FCHSD2: variants seen among roughly 807,000 people sequenced by gnomAD.
FCHSD2 encodes the protein F-BAR and double SH3 domains protein 2.
Under a neutral mutation model 108.1 loss-of-function variants are expected in FCHSD2, and 38 were observed. The observed-to-expected ratio is 0.35, with a 90% CI of 0.27 to 0.46. The LOEUF is 0.46. FCHSD2 is among the 20% of genes least tolerant of loss of function. The pLI, the probability that FCHSD2 is intolerant of heterozygous loss-of-function variation, is 1.00. For synonymous variants in FCHSD2, 279 were observed against 314.7 expected, an observed-to-expected ratio of 0.89 and a Z score of 1.20; for missense variants, 751 against 897.8, an observed-to-expected ratio of 0.84 and a Z score of 2.09.
intron 10 of FCHSD2, among the ~76,000 whole-genome samples, chr11:72,899,702 C>T (rs57018545): frequency 3.1e-5 from 4 of 128,134 alleles, no homozygotes; most frequent in African/African-American, 1.2e-4. Flanking sequence ...TGCCATTGCA[C>T]TTCAGTCTGG....
intron 2 of FCHSD2, among the ~76,000 whole-genome samples, chr11:73,095,530 G>A (rs1860053834): frequency 6.6e-6 from 1 of 152,094 alleles, no homozygotes. Context: ...CTGGAAATAT[G>A]ATCTCCAATA....
At chr11:73,128,372 T>C (rs1162826239) in intron 2 of FCHSD2, among the ~76,000 whole-genome samples, 1 of 152,136 alleles carries the variant, frequency 6.6e-6, no homozygotes, top group African/African-American at 2.4e-5. Flanking sequence ...TGGCAAAAGC[T>C]ACATTACTGC....
chr11:72,932,341 T>C (rs1468294926), intron 8 of FCHSD2, among the ~76,000 whole-genome samples: 2 of 152,124 alleles, frequency 1.3e-5, no homozygotes, highest in African/African-American at 4.8e-5. Flanking sequence ...TGTTTCTAAA[T>C]TGTGTATTTT....
At chr11:72,860,624 C>A (rs1393802125) in intron 13 of FCHSD2, among the ~76,000 whole-genome samples, 2 of 152,056 alleles carry the variant, frequency 1.3e-5, no homozygotes, top group Admixed American at 1.3e-4. Context: ...GTGGGTGAAT[C>A]GCTAGAGCTC....
chr11:73,134,731 G>A (rs1016746809), intron 2 of FCHSD2, among the ~76,000 whole-genome samples: 4 of 152,228 alleles, frequency 2.6e-5, no homozygotes, highest in Non-Finnish European at 4.4e-5. Context: ...TGAAACTCAC[G>A]TTAACGGTTT....
intron 13 of FCHSD2, among the ~76,000 whole-genome samples, chr11:72,858,111 G>A (rs1183777412): frequency 2.0e-5 from 3 of 152,176 alleles, no homozygotes; most frequent in South Asian, 2.1e-4. Flanking sequence ...TTGTTTTTAC[G>A]AGGAAGGGAG....
At chr11:73,140,413 A>C (rs1861218663) in intron 1 of FCHSD2, among the ~76,000 whole-genome samples, 1 of 152,182 alleles carries the variant, frequency 6.6e-6, no homozygotes, top group African/African-American at 2.4e-5. Flanking sequence ...CACAAGCTCA[A>C]TCCACGTCTA....
At chr11:73,108,023 A>G (rs1860386048) in intron 2 of FCHSD2, among the ~76,000 whole-genome samples, 1 of 152,198 alleles carries the variant, frequency 6.6e-6, no homozygotes, top group Admixed American at 6.5e-5. Context: ...ACTAATTTAC[A>G]TTCCCACCAA....
chr11:72,867,486 A>C (rs1181339865), intron 13 of FCHSD2, among the ~76,000 whole-genome samples: 1 of 152,176 alleles, frequency 6.6e-6, no homozygotes, highest in Non-Finnish European at 1.5e-5. Context: ...TTTTGTGCAA[A>C]TCTCTGGATG....
chr11:72,959,722 G>A (rs1385507147), intron 8 of FCHSD2, among the ~76,000 whole-genome samples: 1 of 152,126 alleles, frequency 6.6e-6, no homozygotes, highest in East Asian at 1.9e-4. Flanking sequence ...TTTACTGAAA[G>A]GAGCAATAGA....
At chr11:72,945,778 A>G (rs572064960) in intron 8 of FCHSD2, among the ~76,000 whole-genome samples, 1 of 152,392 alleles carries the variant, frequency 6.6e-6, no homozygotes, top group East Asian at 1.9e-4. Context: ...TTATGCAGCC[A>G]AACGATACAT....
chr11:73,053,904 C>T (rs1858961063), intron 3 of FCHSD2, among the ~76,000 whole-genome samples: 1 of 152,098 alleles, frequency 6.6e-6, no homozygotes, highest in Non-Finnish European at 1.5e-5. Context: ...AACTTGTTGT[C>T]TGTAATCTAA....
chr11:72,967,335 G>A (rs1856929335), intron 8 of FCHSD2, among the ~76,000 whole-genome samples: 1 of 152,086 alleles, frequency 6.6e-6, no homozygotes, highest in Admixed American at 6.6e-5. Context: ...GCTGGTAACA[G>A]CCGAAAAGTG....
chr11:72,921,994 C>G, intron 8 of FCHSD2, 44 bp from the exon 9 acceptor site: 1 of 1,438,494 alleles, frequency 7.0e-7, no homozygotes, highest in South Asian at 1.2e-5. Context: ...TACAGTAAAG[C>G]CTTGACATAT....
chr11:72,912,795 C>G (rs139021724), intron 9 of FCHSD2, among the ~76,000 whole-genome samples: 2 of 152,288 alleles, frequency 1.3e-5, no homozygotes, highest in African/African-American at 2.4e-5. Flanking sequence ...CAGCTTTGAT[C>G]TTGTTACTTG....
intron 8 of FCHSD2, among the ~76,000 whole-genome samples, chr11:72,959,855 T>G (rs72981516): frequency 5.9e-5 from 8 of 136,192 alleles, no homozygotes; most frequent in Non-Finnish European, 7.9e-5. Flanking sequence ...GTTTCTAGGG[T>G]GTGTGTGTGT....
chr11:73,120,585 C>T (rs950274827), intron 2 of FCHSD2, among the ~76,000 whole-genome samples: 18 of 152,004 alleles, frequency 1.2e-4, no homozygotes, highest in African/African-American at 2.4e-4. Context: ...CAAAATTAGC[C>T]GGGCGTGGTG....
intron 2 of FCHSD2, among the ~76,000 whole-genome samples, chr11:73,108,851 G>A (rs916636723): frequency 3.3e-5 from 5 of 152,190 alleles, no homozygotes; most frequent in African/African-American, 7.2e-5. Context: ...GATTACAGGC[G>A]TGAGCCACCG....
intron 3 of FCHSD2, among the ~76,000 whole-genome samples, chr11:73,047,247 T>C (rs78680390): frequency 3.3e-5 from 5 of 151,986 alleles, no homozygotes; most frequent in Non-Finnish European, 5.9e-5. Context: ...ATTTTTTTTT[T>C]AATTAAAGAA....
Sources: gnomAD v4.1 joint callset for allele counts (sites outside exome capture counted in the v4.1 genomes callset) on GRCh38, gnomAD v4.1.1 for gene constraint, MANE v1.5 for transcripts, NCBI Gene and HGNC (gene_info 2026-07-23, HGNC 2026-07-21) for gene names.